GLG1: variants seen among roughly 807,000 people sequenced by gnomAD.
GLG1 encodes Golgi apparatus protein 1.
Under a neutral mutation model 160.5 loss-of-function variants are expected in GLG1, and 38 were observed. That is an observed-to-expected ratio of 0.24 (90% confidence interval 0.18 to 0.31). The LOEUF is 0.31. Ranked by LOEUF, GLG1 falls within the 10% of genes least tolerant of loss-of-function variation. The pLI is 1.00. For missense variants in GLG1, 1,373 were observed against 1,505.2 expected (o/e 0.91, Z 1.45); for synonymous variants, 644 against 543.4 (o/e 1.19, Z -2.57).
In GLG1 at chr16:74,479,384, G is replaced by A. The variant is rs145641632; in HGVS notation, c.1827+857C>T. Among the ~76,000 whole-genome samples, 657 of 150,602 alleles carry A rather than the reference G, an allele frequency of 4.4e-3. 5 individuals are homozygous for A. The highest frequency in any genetic ancestry group is 0.035 in the Middle Eastern group (10 of 288). ...CCTCCTACCCCCTAGTCACTATAGT[G>A]ACCAGAAAGATGCCGGGATGTGGGA... On this transcript the variant is annotated intron_variant, in intron 11 of 25. Coordinates refer to ENST00000422840, the MANE Select transcript of GLG1 (RefSeq NM_001145667.2).
intron 3 of GLG1, 76 bp from the exon 4 acceptor site, chr16:74,503,822 G>A (rs749147016): frequency 2.0e-6 from 2 of 982,342 alleles, no homozygotes; most frequent in African/African-American, 1.6e-5. Flanking sequence ...AGAGAAAAAT[G>A]TCTGAAATTT....
At chr16:74,523,093 G>A (rs766949330) in intron 2 of GLG1, among the ~76,000 whole-genome samples, 1 of 152,130 alleles carries the variant, frequency 6.6e-6, no homozygotes, top group African/African-American at 2.4e-5. Flanking sequence ...TTTAATTTCT[G>A]GGTACATAGT....
chr16:74,506,581 C>CAAAAAAAAAAAAA lies in GLG1; in HGVS notation c.558+2245_558+2257dup, dbSNP rs56175030. On this transcript the variant is annotated intron_variant, in intron 3 of 25. Coordinates refer to ENST00000422840, the MANE Select transcript of GLG1 (RefSeq NM_001145667.2). Reference sequence around the variant, plus strand: ...TGGGTTACAGAGCAAGACTCCGTCTCAAAAAAAAAAAAAAAAAAAAAAACT... The same window carrying CAAAAAAAAAAAAA: ...TGGGTTACAGAGCAAGACTCCGTCTCAAAAAAAAAAAAAAAAAAAAAAAAAAAAAAAAAAAACT... 8.6e-3 allele frequency among the ~76,000 whole-genome samples: 335 copies of CAAAAAAAAAAAAA among 39,034 alleles called. 82 individuals carry two copies. Among genetic ancestry groups the CAAAAAAAAAAAAA allele is most frequent in the African/African-American group, 0.015 (136 of 9,088 alleles). The allele number at this position is 39,034 out of a possible 152,430, so 25.6% of individuals were successfully genotyped here.
intron 22 of GLG1, among the ~76,000 whole-genome samples, chr16:74,460,319 C>A (rs898818413): frequency 1.3e-5 from 2 of 152,186 alleles, no homozygotes; most frequent in African/African-American, 4.8e-5. Context: ...CCGCAACTGG[C>A]CTGATTTTTG....
At chr16:74,525,846 TTTAA>T (rs1327889594) in intron 2 of GLG1, among the ~76,000 whole-genome samples, 1 of 151,650 alleles carries the variant, frequency 6.6e-6, no homozygotes, top group Non-Finnish European at 1.5e-5. Flanking sequence ...CACAAAAGTT[TTTAA>T]TTGTGATGAA....
intron 1 of GLG1, among the ~76,000 whole-genome samples, chr16:74,574,882 TC>T (rs1168259062): frequency 1.6e-3 from 6 of 3,730 alleles, no homozygotes; most frequent in African/African-American, 9.5e-3. Flanking sequence ...AGACTCTGTC[TC>T]AAAAAAAAAA....
chr16:74,469,112 T>G (rs941552030), intron 16 of GLG1, 49 bp from the exon 17 acceptor site: 1 of 1,245,224 alleles, frequency 8.0e-7, no homozygotes, highest in Non-Finnish European at 1.2e-6. Flanking sequence ...CAAGGGCAGA[T>G]GGCCTGAGAG....
At chr16:74,572,519 AAAAC>A (rs1567531742) in intron 1 of GLG1, among the ~76,000 whole-genome samples, 20 of 147,166 alleles carry the variant, frequency 1.4e-4, no homozygotes, top group Non-Finnish European at 6.1e-5. Context: ...TCTCAAAAAA[AAAAC>A]AAACAAAAAA....
rs187169650 is a variant in GLG1, at chr16:74,491,457, T to C, written c.1235-242A>G. 1.5e-3 allele frequency among the ~76,000 whole-genome samples: 222 copies of C among 152,242 alleles called. 2 individuals are homozygous for C. Among genetic ancestry groups the C allele is most frequent in the Non-Finnish European group, 6.5e-4 (44 of 68,022 alleles). On this transcript the variant is annotated intron_variant, in intron 7 of 25. Coordinates refer to ENST00000422840, the MANE Select transcript of GLG1 (RefSeq NM_001145667.2). ...AACAGGTTTTATACTACTGCACTAA[T>C]AATGCAAATGCTTTGCCCATGGAAA...
intron 11 of GLG1, 22 bp downstream of exon 11, chr16:74,480,219 G>A (rs766840667): frequency 1.3e-6 from 2 of 1,565,452 alleles, no homozygotes; most frequent in African/African-American, 1.4e-5. Flanking sequence ...AAGAAGAAAT[G>A]AAGTCGATAT....
chr16:74,455,153 C>T (rs2014484028), intron 25 of GLG1, among the ~76,000 whole-genome samples: 1 of 152,152 alleles, frequency 6.6e-6, no homozygotes, highest in Admixed American at 6.5e-5. Context: ...CCTCAGTTTT[C>T]CACTGCTTTC....
intron 20 of GLG1, 131 bp from the exon 21 acceptor site, chr16:74,462,761 A>G: frequency 2.4e-6 from 2 of 825,308 alleles, no homozygotes; most frequent in Non-Finnish European, 4.1e-6. Flanking sequence ...TCTATTCAAT[A>G]AACATTTACT....
intron 3 of GLG1, among the ~76,000 whole-genome samples, chr16:74,504,390 T>C (rs918361414): frequency 2.6e-5 from 4 of 152,104 alleles, no homozygotes; most frequent in Admixed American, 1.3e-4. Context: ...CAGGTTCAAG[T>C]GATTCTCCTG....
intron 8 of GLG1, among the ~76,000 whole-genome samples, chr16:74,490,219 T>C (rs529156024): frequency 4.7e-4 from 71 of 152,262 alleles, no homozygotes; most frequent in Non-Finnish European, 7.2e-4. Flanking sequence ...ATGTACTAAA[T>C]CTCTAATACA....
intron 2 of GLG1, among the ~76,000 whole-genome samples, chr16:74,530,268 T>C (rs1229940322): frequency 6.6e-6 from 1 of 152,228 alleles, no homozygotes; most frequent in African/African-American, 2.4e-5. Flanking sequence ...TTCTTTTAAC[T>C]ATCCATAAAT....
At chr16:74,569,995 C>T (rs1597357528) in intron 1 of GLG1, among the ~76,000 whole-genome samples, 1 of 141,032 alleles carries the variant, frequency 7.1e-6, no homozygotes, top group Middle Eastern at 3.7e-3. Context: ...CCAGTTTGGG[C>T]AACACAGCAA....
intron 1 of GLG1, among the ~76,000 whole-genome samples, chr16:74,542,756 A>AGGAAGGGAAG (rs769651978): frequency 1.9e-5 from 1 of 52,210 alleles, no homozygotes; most frequent in East Asian, 4.8e-4. Context: ...GAAGGAAGGA[A>AGGAAGGGAAG]GGAAGGAAGG....
At chr16:74,461,995 A>T (rs966117902) in intron 22 of GLG1, 99 bp downstream of exon 22, 78 of 664,824 alleles carry the variant, frequency 1.2e-4, no homozygotes, top group Non-Finnish European at 1.9e-4. Context: ...AATTCACCAG[A>T]TCATTCACGG....
intron 2 of GLG1, among the ~76,000 whole-genome samples, chr16:74,511,164 G>A (rs755179857): frequency 3.3e-5 from 5 of 152,040 alleles, no homozygotes; most frequent in African/African-American, 7.3e-5. Flanking sequence ...GGGGTGACAC[G>A]ACCAGATCTG....
Sources: gnomAD v4.1 joint callset for allele counts (sites outside exome capture counted in the v4.1 genomes callset) on GRCh38, gnomAD v4.1.1 for gene constraint, MANE v1.5 for transcripts, NCBI Gene and HGNC (gene_info 2026-07-23, HGNC 2026-07-21) for gene names.